Variants in TMEM165 observed in about 807,000 individuals in gnomAD.
TMEM165 encodes putative divalent cation/proton antiporter TMEM165.
TMEM165 carries 19 observed loss-of-function variants against 30.0 expected under a neutral mutation model. The ratio of observed to expected loss-of-function variants is 0.63; its 90% CI spans 0.44 to 0.93. The LOEUF (loss-of-function observed/expected upper bound fraction) is 0.93. Ranked by LOEUF, TMEM165 falls within the 40% of genes least tolerant of loss-of-function variation. The pLI is 0.00. For missense variants in TMEM165, 340 were observed against 417.0 expected (o/e 0.82, Z 1.61); for synonymous variants, 168 against 162.9 (o/e 1.03, Z -0.24).
intron 1 of TMEM165, among the ~76,000 whole-genome samples, chr4:55,400,333 TATA>T (rs59259609): frequency 0.26 from 25,957 of 100,250 alleles, 3,636 homozygotes; most frequent in South Asian, 0.4. Flanking sequence ...TTATATATAA[TATA>T]ATATTAATTA....
intron 3 of TMEM165, among the ~76,000 whole-genome samples, chr4:55,446,438 G>T (rs1199575801): frequency 6.6e-6 from 1 of 152,062 alleles, no homozygotes; most frequent in East Asian, 1.9e-4. Flanking sequence ...ATCAATTTCT[G>T]TCATCCCTAG....
intron 1 of TMEM165, among the ~76,000 whole-genome samples, chr4:55,409,582 A>G (rs1386972323): frequency 3.9e-5 from 6 of 152,156 alleles, no homozygotes; most frequent in African/African-American, 1.4e-4. Flanking sequence ...TGTGCATTGT[A>G]GGATGTTTAG....
chr4:55,411,526 A>T (rs1419057035), intron 1 of TMEM165, 88 bp from the exon 2 acceptor site: 12 of 1,263,558 alleles, frequency 9.5e-6, no homozygotes, highest in Non-Finnish European at 1.3e-5. Flanking sequence ...TGACAAGAAA[A>T]TTTTCAAAAA....
chr4:55,438,550 A>G, intron 3 of TMEM165: 1 of 1,612,798 alleles, frequency 6.2e-7, no homozygotes, highest in Non-Finnish European at 8.5e-7. Flanking sequence ...GTTAGAAGAA[A>G]GAAGGAAAAA....
chr4:55,436,860 A>G (rs1333792655), intron 3 of TMEM165, among the ~76,000 whole-genome samples: 2 of 103,088 alleles, frequency 1.9e-5, no homozygotes, highest in Non-Finnish European at 4.3e-5. Flanking sequence ...TGCCTATCTT[A>G]TTTCTTTGTG....
At chr4:55,445,451 C>G (rs1160234161) in intron 3 of TMEM165, among the ~76,000 whole-genome samples, 1 of 152,052 alleles carries the variant, frequency 6.6e-6, no homozygotes, top group Non-Finnish European at 1.5e-5. Flanking sequence ...AGAAGATCTG[C>G]ATCTTAGCCT....
At chr4:55,428,482 C>T (rs557376231), downstream of TMEM165, 21 of 152,264 alleles carry the variant, frequency 1.4e-4, no homozygotes, top group African/African-American at 4.8e-4. Context: ...TTCAGAATTT[C>T]GGCAGAAGAC....
chr4:55,446,588 G>A (rs1034773090), intron 3 of TMEM165, among the ~76,000 whole-genome samples: 1 of 152,134 alleles, frequency 6.6e-6, no homozygotes, highest in Non-Finnish European at 1.5e-5. Context: ...GACTAGGCAA[G>A]TATGAATGAA....
Position 55,449,015 on chromosome 4 carries a change from C to G in TMEM165, c.409-3224C>G, listed in dbSNP as rs62303709. ...GCTGAATACAGCTATGTCTTCTCAT[C>G]TATATTGGAAAGGCCTGTTCCCTAT... On this transcript the variant is annotated intron_variant, in intron 3 of 3. Coordinates refer to the TMEM165 transcript ENST00000608091. 65 of 676,320 alleles carry G rather than the reference C, an allele frequency of 9.6e-5. No individual in the cohort carries two copies. The Admixed American group carries it at 1.6e-3, about 16-fold the overall frequency. The allele number at this position is 676,320 out of a possible 1,614,324, so 41.9% of individuals were successfully genotyped here.
chr4:55,447,582 A>AAATGT (rs1334567012), intron 3 of TMEM165, among the ~76,000 whole-genome samples: 1 of 152,180 alleles, frequency 6.6e-6, no homozygotes, highest in Non-Finnish European at 1.5e-5. Context: ...TTGGTGAACA[A>AAATGT]AATGTGAGAC....
intron 3 of TMEM165, among the ~76,000 whole-genome samples, chr4:55,446,588 G>C (rs1034773090): frequency 1.3e-5 from 2 of 152,134 alleles, no homozygotes; most frequent in Non-Finnish European, 2.9e-5. Context: ...GACTAGGCAA[G>C]TATGAATGAA....
intron 2 of TMEM165, among the ~76,000 whole-genome samples, chr4:55,412,413 A>AAAAAC: frequency 6.6e-6 from 1 of 150,990 alleles, no homozygotes; most frequent in Non-Finnish European, 1.5e-5. Context: ...AAAAAAAAAA[A>AAAAAC]AAAAGGGAGA....
intron 3 of TMEM165, chr4:55,449,527 T>C (rs780336519): frequency 1.8e-5 from 27 of 1,517,796 alleles, no homozygotes; most frequent in Non-Finnish European, 2.4e-5. Flanking sequence ...AGAGCATTAG[T>C]ACTTTATAAA....
At chr4:55,408,701 T>C (rs2109537261) in intron 1 of TMEM165, among the ~76,000 whole-genome samples, 1 of 152,330 alleles carries the variant, frequency 6.6e-6, no homozygotes, top group Non-Finnish European at 1.5e-5. Flanking sequence ...GTTTCATGGC[T>C]GGGAATTATA....
rs1015859166 is a variant in TMEM165, at chr4:55,448,986, G to T, written c.409-3253G>T. On this transcript the variant is annotated intron_variant, in intron 3 of 3. Coordinates refer to the TMEM165 transcript ENST00000608091. ...AACTTACCATTTGCCTCATACTTTT[G>T]TTAGCTGAATACAGCTATGTCTTCT... The T allele has an allele frequency of 3.7e-6, 3 of 819,830 alleles. No individual in the cohort carries two copies. In the East Asian group the frequency reaches 8.0e-5, roughly 22 times the overall value. 50.8% of individuals were successfully genotyped at this position (819,830 alleles called of 1,614,324 possible). A position where few individuals can be genotyped will look rare whatever the true frequency, so the allele number is the denominator to read the frequency against.
intron 1 of TMEM165, among the ~76,000 whole-genome samples, chr4:55,402,181 C>A: frequency 7.1e-6 from 1 of 141,516 alleles, no homozygotes; most frequent in Non-Finnish European, 1.5e-5. Context: ...CATTACAAAA[C>A]AACATTCATA....
chr4:55,424,427 A>G, intron 4 of TMEM165, 111 bp from the exon 5 acceptor site: 1 of 664,544 alleles, frequency 1.5e-6, no homozygotes, highest in Non-Finnish European at 2.7e-6. Context: ...TTTTATAACT[A>G]TTATGCTTTT....
Position 55,396,478 on chromosome 4 carries a change from A to C in TMEM165, c.207+82A>C, listed in dbSNP as rs900503541. ...GGCTCCAGGCCTTTGAAAGCGCCGC[A>C]CTCCGCCGGCCTCGGCTGGGGGAGG... On this transcript the variant is annotated intron_variant, in intron 1 of 5. Coordinates refer to ENST00000381334, the MANE Select transcript of TMEM165 (RefSeq NM_018475.5). 7.1e-5 allele frequency: 86 copies of C among 1,203,872 alleles called. No individual in the cohort carries two copies. The Admixed American group carries it at 7.6e-4, about 11-fold the overall frequency. The allele number at this position is 1,203,872 out of a possible 1,614,324, so 74.6% of individuals were successfully genotyped here.
intron 4 of TMEM165, among the ~76,000 whole-genome samples, chr4:55,421,464 A>G (rs1163106349): frequency 6.6e-6 from 1 of 151,604 alleles, no homozygotes; most frequent in African/African-American, 2.4e-5. Context: ...ATGCCTGGCT[A>G]ATTTTGTATT....
Sources: gnomAD v4.1 joint callset for allele counts (sites outside exome capture counted in the v4.1 genomes callset) on GRCh38, gnomAD v4.1.1 for gene constraint, MANE v1.5 for transcripts, NCBI Gene and HGNC (gene_info 2026-07-23, HGNC 2026-07-21) for gene names.